Variants in RCL1 observed in about 807,000 individuals in gnomAD.
RCL1 encodes the protein RNA terminal phosphate cyclase like 1.
In RCL1, 24 loss-of-function variants were observed where a neutral mutation model predicts 42.4. The ratio of observed to expected loss-of-function variants is 0.57; its 90% CI spans 0.41 to 0.80. RCL1 has a LOEUF of 0.80. RCL1 is among the 30% of genes least tolerant of loss of function. The pLI is 0.00. For synonymous variants in RCL1, 228 were observed against 177.3 expected (o/e 1.29, Z -2.27); for missense variants, 578 against 467.9 (o/e 1.24, Z -2.17).
At chr9:4,860,080 G>T (rs780062315) in intron 8 of RCL1, 45 bp from the exon 9 acceptor site, 60 of 1,359,358 alleles carry the variant, frequency 4.4e-5, no homozygotes, top group Non-Finnish European at 5.4e-5. Flanking sequence ...ATTTTTTTTT[G>T]AATGAATTTC....
At chr9:4,845,434 T>C (rs1004071057) in intron 7 of RCL1, among the ~76,000 whole-genome samples, 5 of 152,234 alleles carry the variant, frequency 3.3e-5, no homozygotes, top group African/African-American at 1.2e-4. Flanking sequence ...ATCCTTTCAT[T>C]GCAACGGGCA....
At chr9:4,855,715 T>C (rs1176122508) in intron 8 of RCL1, among the ~76,000 whole-genome samples, 2 of 151,884 alleles carry the variant, frequency 1.3e-5, no homozygotes, top group African/African-American at 4.8e-5. Context: ...GGGCTAGAGG[T>C]GGGGGAAAGA....
chr9:4,813,263 G>T (rs1201205588), intron 1 of RCL1, among the ~76,000 whole-genome samples: 9 of 152,088 alleles, frequency 5.9e-5, no homozygotes, highest in Non-Finnish European at 1.3e-4. Context: ...TACAGAATGG[G>T]AGAAAATTTT....
chr9:4,832,239 A>G (rs1298274772), intron 3 of RCL1, among the ~76,000 whole-genome samples: 1 of 152,182 alleles, frequency 6.6e-6, no homozygotes, highest in Non-Finnish European at 1.5e-5. Flanking sequence ...GCCATTAACT[A>G]TGGATGTTGT....
chr9:4,805,262 C>T (rs192267789), intron 1 of RCL1, among the ~76,000 whole-genome samples: 1 of 152,248 alleles, frequency 6.6e-6, no homozygotes, highest in Non-Finnish European at 1.5e-5. Flanking sequence ...TGAGGTGGGA[C>T]CTGTAGTCCC....
At chr9:4,852,783 T>TC (rs33940369) in intron 8 of RCL1, among the ~76,000 whole-genome samples, 3 of 150,894 alleles carry the variant, frequency 2.0e-5, no homozygotes, top group African/African-American at 7.3e-5. Context: ...TTTTTTTTTT[T>TC]AACTGCTCCT....
At chr9:4,844,709 G>C (rs1817452977) in intron 7 of RCL1, 28 bp downstream of exon 7, 1 of 1,592,700 alleles carries the variant, frequency 6.3e-7, no homozygotes, top group Admixed American at 1.8e-5. Context: ...TCTGATAGAG[G>C]AGTGACCAGG....
At chr9:4,833,920 A>G (rs1286132924) in intron 4 of RCL1, among the ~76,000 whole-genome samples, 2 of 152,238 alleles carry the variant, frequency 1.3e-5, no homozygotes, top group African/African-American at 4.8e-5. Context: ...TGAGTGGCAG[A>G]GCCACTTGGG....
chr9:4,822,726 CA>C (rs1490732535), intron 1 of RCL1, among the ~76,000 whole-genome samples: 1 of 152,064 alleles, frequency 6.6e-6, no homozygotes, highest in East Asian at 1.9e-4. Flanking sequence ...GAGGCTGAGG[CA>C]GGAGGATCCT....
chr9:4,844,424 A>C (rs1305579409), intron 6 of RCL1, 101 bp from the exon 7 acceptor site: 1 of 853,750 alleles, frequency 1.2e-6, no homozygotes, highest in Non-Finnish European at 1.9e-6. Context: ...CTTTGAACAC[A>C]GTGCCGTCAA....
At chr9:4,854,397 C>G (rs973316294) in intron 8 of RCL1, among the ~76,000 whole-genome samples, 1 of 152,128 alleles carries the variant, frequency 6.6e-6, no homozygotes, top group African/African-American at 2.4e-5. Context: ...AGATCCTTTT[C>G]TTATCTCCAG....
intron 1 of RCL1, among the ~76,000 whole-genome samples, chr9:4,793,729 C>T (rs1361704857): frequency 1.3e-5 from 2 of 152,136 alleles, no homozygotes; most frequent in African/African-American, 2.4e-5. Flanking sequence ...CATGATTTCT[C>T]GGCTGCCCTC....
intron 1 of RCL1, among the ~76,000 whole-genome samples, chr9:4,802,627 T>G (rs544782482): frequency 1.5e-5 from 2 of 134,916 alleles, no homozygotes; most frequent in African/African-American, 6.4e-5. Context: ...AAAATGTTCA[T>G]TTTTTTTTAC....
intron 1 of RCL1, among the ~76,000 whole-genome samples, chr9:4,815,322 T>G (rs1205518403): frequency 6.6e-6 from 1 of 152,186 alleles, no homozygotes; most frequent in Non-Finnish European, 1.5e-5. Flanking sequence ...CTTATTTCTT[T>G]GAGTAGGTAA....
intron 6 of RCL1, 134 bp downstream of exon 6, chr9:4,841,491 A>C: frequency 1.4e-6 from 1 of 732,254 alleles, no homozygotes; most frequent in Non-Finnish European, 2.3e-6. Flanking sequence ...TTTCTGCCTT[A>C]TTGCCGTTGT....
intron 2 of RCL1, among the ~76,000 whole-genome samples, chr9:4,824,393 T>TTTTG (rs1254550822): frequency 3.4e-5 from 5 of 148,690 alleles, no homozygotes; most frequent in South Asian, 2.1e-4. Flanking sequence ...TTTTTTTTTT[T>TTTTG]TTGCTAGTAC....
At chr9:4,846,900 T>TC (rs1554641966) in intron 7 of RCL1, among the ~76,000 whole-genome samples, 2 of 143,476 alleles carry the variant, frequency 1.4e-5, no homozygotes, top group African/African-American at 2.6e-5. Flanking sequence ...TTTTCTTTTT[T>TC]TTTTTGAGGA....
Position 4,824,374 on chromosome 9 carries a change from A to ATT in RCL1, c.208+775_208+776dup, listed in dbSNP as rs71326141. On this transcript the variant is annotated intron_variant, in intron 2 of 8. Transcript: ENST00000381750. ...CTCTTCATATTGTTCTTCAGCCAGC[A>ATT]TTTTTTTTTTTTTTTTTTTTTGCTA... Among the ~76,000 whole-genome samples the ATT allele has an allele frequency of 9.4e-3, 1,126 of 120,190 alleles. 20 individuals carry two copies. Among genetic ancestry groups the ATT allele is most frequent in the South Asian group, 0.011 (39 of 3,680 alleles). The allele number at this position is 120,190 out of a possible 152,430, so 78.8% of individuals were successfully genotyped here. A position where few individuals can be genotyped will look rare whatever the true frequency, so the allele number is the denominator to read the frequency against.
chr9:4,824,073 AAT>A (rs1032734480), intron 2 of RCL1, among the ~76,000 whole-genome samples: 9 of 152,328 alleles, frequency 5.9e-5, no homozygotes, highest in African/African-American at 2.2e-4. Flanking sequence ...TTTAACAATA[AAT>A]ATTTTATACA....
Sources: gnomAD v4.1 joint callset for allele counts (sites outside exome capture counted in the v4.1 genomes callset) on GRCh38, gnomAD v4.1.1 for gene constraint, MANE v1.5 for transcripts, NCBI Gene and HGNC (gene_info 2026-07-23, HGNC 2026-07-21) for gene names.